Variants in NLRP5 observed in about 807,000 individuals in gnomAD.
NLRP5 encodes the protein NACHT, LRR and PYD domains-containing protein 5.
In NLRP5, 93 loss-of-function variants were observed where a neutral mutation model predicts 113.1. That is an observed-to-expected ratio of 0.82 (90% CI 0.70 to 0.98). NLRP5 has a LOEUF of 0.98. NLRP5 is among the 50% of genes least tolerant of loss of function. NLRP5 has a pLI of 0.00. For synonymous variants in NLRP5, 751 were observed against 600.7 expected (o/e 1.25, Z -3.66); for missense variants, 1,808 against 1,514.3 (o/e 1.19, Z -3.22).
At chr19:56,030,792 G>A (rs938310884) in intron 7 of NLRP5, among the ~76,000 whole-genome samples, 5 of 134,200 alleles carry the variant, frequency 3.7e-5, no homozygotes, top group Non-Finnish European at 7.6e-5. Flanking sequence ...TCAGCTCACT[G>A]CAACCTCCAC....
chr19:55,996,890 A>G (rs936950141), upstream of NLRP5, among the ~76,000 whole-genome samples: 4 of 152,202 alleles, frequency 2.6e-5, no homozygotes, highest in African/African-American at 9.7e-5. Flanking sequence ...TTCTAGTTCT[A>G]GATCCCTGAG....
chr19:55,993,049 A>G, the NLRP5 span, among the ~76,000 whole-genome samples: 1 of 151,806 alleles, frequency 6.6e-6, no homozygotes, highest in Admixed American at 6.6e-5. Flanking sequence ...GGGTTTCTCC[A>G]TGTTGGTCAG....
rs199475786 is a variant in NLRP5, at chr19:56,053,827, T to C, written c.3299+19T>C. ...GACTCGGGTAACTTCCTGGGGCGCC[T>C]CTTTGCGGGCCGGGCTGGGAGGAGG... On this transcript the variant is annotated intron_variant, in intron 13 of 14. Transcript: ENST00000390649. The C allele has an allele frequency of 5.0e-6, 8 of 1,609,228 alleles. No individual in the cohort carries two copies. In the African/African-American group the frequency reaches 1.1e-4, roughly 21 times the overall value.
intron 6 of NLRP5, among the ~76,000 whole-genome samples, chr19:56,022,177 TC>T (rs1421991587): frequency 6.6e-6 from 1 of 152,176 alleles, no homozygotes; most frequent in Non-Finnish European, 1.5e-5. Context: ...ATTTTGATTG[TC>T]AAGACACCTT....
chr19:55,990,300 G>T, the NLRP5 span, among the ~76,000 whole-genome samples: 2 of 151,648 alleles, frequency 1.3e-5, no homozygotes, highest in Admixed American at 6.6e-5. Flanking sequence ...TGTTGACCAG[G>T]CTAGTCTCGA....
At chr19:56,057,150 T>C (rs144501747) in intron 13 of NLRP5, among the ~76,000 whole-genome samples, 287 of 152,260 alleles carry the variant, frequency 1.9e-3, no homozygotes, top group African/African-American at 6.6e-3. Context: ...TTTTGGATTT[T>C]TTCTTTTTCA....
chr19:55,990,150 G>A, the NLRP5 span, among the ~76,000 whole-genome samples: 1 of 127,616 alleles, frequency 7.8e-6, no homozygotes, highest in Admixed American at 9.7e-5. Flanking sequence ...GTGCAATGGT[G>A]AGATCTCAGC....
chr19:56,013,548 T>TTA (rs1427310919), intron 3 of NLRP5, among the ~76,000 whole-genome samples: 1 of 151,590 alleles, frequency 6.6e-6, no homozygotes, highest in East Asian at 1.9e-4. Flanking sequence ...AGTATTCCTT[T>TTA]TATATATATA....
chr19:56,027,909 C>A lies in NLRP5; in HGVS notation c.1676C>A (p.Ser559Tyr). The A allele has an allele frequency of 6.2e-7, 1 of 1,613,812 alleles. No individual in the cohort carries two copies. The highest frequency in any genetic ancestry group is 8.5e-7 in the Non-Finnish European group (1 of 1,179,820). The stretch of plus-strand genomic sequence containing the variant: ...CTCATGGTTCAAGGACTCGGGGAGT[C>A]TGAGCTCCGTGCTCTGTTTCACATG... Residue 559 changes from serine to tyrosine, a missense_variant, in exon 7 of 15, where the codon TCT becomes TAT. By Grantham distance (144) the Ser-to-Tyr change is moderately radical (BLOSUM62 -2). Coordinates refer to ENST00000390649, the MANE Select transcript of NLRP5 (RefSeq NM_153447.4).
intron 10 of NLRP5, among the ~76,000 whole-genome samples, chr19:56,040,647 G>A (rs1434687134): frequency 1.8e-4 from 27 of 152,192 alleles, no homozygotes; most frequent in Admixed American, 1.8e-3. Context: ...TAGCCATGTG[G>A]GGACTGGAAA....
At chr19:56,038,247 T>C (rs1599901047) in intron 10 of NLRP5, 52 bp downstream of exon 10, 2 of 1,560,150 alleles carry the variant, frequency 1.3e-6, no homozygotes, top group East Asian at 4.5e-5. Flanking sequence ...ACCAGGATTA[T>C]CGTAACTTCG....
At position 56,028,526 on chromosome 19, in the gene NLRP5, G is replaced by C. The variant is rs887567401; in HGVS notation, c.2276+17G>C. On this transcript the variant is annotated intron_variant, in intron 7 of 14. Coordinates refer to ENST00000390649, the MANE Select transcript of NLRP5 (RefSeq NM_153447.4). ...CCCTCTATGGTGAGTACCCCAGGCA[G>C]TTTTATCCTATGCCGTGTGCTGAGC... The C allele has an allele frequency of 1.2e-6, 2 of 1,605,782 alleles. No homozygotes were observed. Among genetic ancestry groups the C allele is most frequent in the Admixed American group, 3.4e-5 (2 of 59,664 alleles).
chr19:55,986,821 G>C, the NLRP5 span, among the ~76,000 whole-genome samples: 3 of 152,064 alleles, frequency 2.0e-5, no homozygotes, highest in East Asian at 5.8e-4. Context: ...GTGTGAAGCT[G>C]GTGAGTATTC....
chr19:56,024,771 C>A (rs1269695354), intron 6 of NLRP5, among the ~76,000 whole-genome samples: 1 of 150,094 alleles, frequency 6.7e-6, no homozygotes, highest in African/African-American at 2.5e-5. Flanking sequence ...AAAAAAAAAT[C>A]TTCATCAGGT....
chr19:56,061,656 C>G lies in NLRP5; in HGVS notation c.*128C>G. The G allele has an allele frequency of 9.5e-7, 1 of 1,057,900 alleles. No individual in the cohort carries two copies. Among genetic ancestry groups the G allele is most frequent in the Non-Finnish European group, 1.4e-6 (1 of 706,210 alleles). 65.5% of individuals were successfully genotyped at this position (1,057,900 alleles called of 1,614,324 possible). A position where few individuals can be genotyped will look rare whatever the true frequency, so the allele number is the denominator to read the frequency against. On this transcript the variant is annotated 3_prime_UTR_variant, in exon 15 of 15. Transcript: ENST00000390649. ...AGAATGATTTCTGATTCTCACAAAG[C>G]CCTCAATGGTAGTGATTCTTCTGTG...
intron 2 of NLRP5, among the ~76,000 whole-genome samples, chr19:56,004,358 G>C (rs966338616): frequency 6.6e-6 from 1 of 152,164 alleles, no homozygotes; most frequent in Non-Finnish European, 1.5e-5. Flanking sequence ...TGGGTTGTAA[G>C]TGCTAAGCTT....
the NLRP5 span, among the ~76,000 whole-genome samples, chr19:55,987,189 TG>T: frequency 6.6e-6 from 1 of 151,934 alleles, no homozygotes; most frequent in Non-Finnish European, 1.5e-5. Flanking sequence ...GCCAACATGG[TG>T]AAATCCTCAT....
At chr19:56,046,873 G>A (rs1005185638) in intron 11 of NLRP5, among the ~76,000 whole-genome samples, 2 of 152,170 alleles carry the variant, frequency 1.3e-5, no homozygotes, top group East Asian at 3.9e-4. Context: ...CTGTGAATCC[G>A]TCTGGTCCTG....
At chr19:56,003,486 T>G (rs1209953758) in intron 1 of NLRP5, among the ~76,000 whole-genome samples, 1 of 152,222 alleles carries the variant, frequency 6.6e-6, no homozygotes, top group East Asian at 1.9e-4. Flanking sequence ...ACATACTAGC[T>G]AAGAACATCT....
Sources: allele counts gnomAD v4.1 joint callset (sites outside exome capture counted in the v4.1 genomes callset), GRCh38; gene constraint gnomAD v4.1.1; transcripts MANE v1.5; gene names NCBI Gene and HGNC (gene_info 2026-07-23, HGNC 2026-07-21).